TEX9: variants seen among roughly 807,000 people sequenced by gnomAD.
TEX9 encodes testis expressed 9.
A neutral mutation model predicts 59.6 loss-of-function variants in TEX9; 74 were observed. The ratio of observed to expected loss-of-function variants is 1.24; its 90% CI spans 1.03 to 1.51. The LOEUF (loss-of-function observed/expected upper bound fraction) is 1.51. Among genes scored for constraint, TEX9 ranks in the 40% most tolerant of loss-of-function variants. The pLI, the probability that TEX9 is intolerant of heterozygous loss-of-function variation, is 0.00. For missense variants in TEX9, 522 were observed against 447.8 expected, an observed-to-expected ratio of 1.17 and a Z score of -1.49; for synonymous variants, 186 against 152.2, an observed-to-expected ratio of 1.22 and a Z score of -1.64.
chr15:56,296,634 A>G (rs1252020162), intron 1 of TEX9, among the ~76,000 whole-genome samples: 1 of 152,154 alleles, frequency 6.6e-6, no homozygotes, highest in Non-Finnish European at 1.5e-5. Flanking sequence ...TGTCAACTCA[A>G]TTGTCTGTAT....
chr15:56,311,370 AC>A (rs1328086166), intron 1 of TEX9, among the ~76,000 whole-genome samples: 1 of 136,596 alleles, frequency 7.3e-6, no homozygotes, highest in Non-Finnish European at 1.6e-5. Flanking sequence ...TTCAGTCCCC[AC>A]CTATGAGTGA....
chr15:56,394,913 A>G, intron 9 of TEX9, 79 bp downstream of exon 9: 1 of 1,330,542 alleles, frequency 7.5e-7, no homozygotes, highest in Non-Finnish European at 1.0e-6. Context: ...TATAGATGCC[A>G]TTTTGACAGT....
rs150895288 is a variant in TEX9 at position 56,274,126 on chromosome 15, G to A, written c.-107+29848G>A. ...ATTACCATTCTACATAGGGTAGACCGTTTGATATGATACCACAGCTCTTGG... is the reference window on the plus strand; with the variant it reads ...ATTACCATTCTACATAGGGTAGACCATTTGATATGATACCACAGCTCTTGG... On this transcript the variant is annotated intron_variant, in intron 1 of 5. Coordinates refer to the TEX9 transcript ENST00000560827. 7.2e-5 allele frequency among the ~76,000 whole-genome samples: 11 copies of A among 152,058 alleles called. No homozygotes were observed. The East Asian group carries it at 7.7e-4, about 11-fold the overall frequency.
At chr15:56,307,528 A>G (rs1325342168) in intron 1 of TEX9, among the ~76,000 whole-genome samples, 2 of 152,252 alleles carry the variant, frequency 1.3e-5, no homozygotes, top group Non-Finnish European at 2.9e-5. Flanking sequence ...AAACCAACCT[A>G]CATTTATTAA....
intron 3 of TEX9, among the ~76,000 whole-genome samples, chr15:56,380,184 T>C (rs1352446115): frequency 6.6e-6 from 1 of 152,202 alleles, no homozygotes; most frequent in African/African-American, 2.4e-5. Context: ...GGTCATTGTA[T>C]GTTTTTTGGC....
chr15:56,302,797 G>A (rs1308142242), intron 1 of TEX9, among the ~76,000 whole-genome samples: 3 of 151,976 alleles, frequency 2.0e-5, no homozygotes, highest in African/African-American at 7.3e-5. Context: ...CCCAATAATC[G>A]GTTGCCTATT....
intron 10 of TEX9, among the ~76,000 whole-genome samples, chr15:56,423,988 T>C (rs1259276409): frequency 2.6e-5 from 4 of 152,168 alleles, no homozygotes; most frequent in African/African-American, 9.6e-5. Flanking sequence ...CTACTCTTTA[T>C]GTCTCTTAAA....
At chr15:56,268,675 C>A (rs2682060) in intron 1 of TEX9, among the ~76,000 whole-genome samples, 54,526 of 151,410 alleles carry the variant, frequency 0.36, 10,354 homozygotes, top group Non-Finnish European at 0.42. Flanking sequence ...GGGATGAAGC[C>A]AACTTGATCT....
intron 12 of TEX9, among the ~76,000 whole-genome samples, chr15:56,436,704 C>G (rs187470676): frequency 6.6e-6 from 1 of 151,856 alleles, no homozygotes; most frequent in Admixed American, 6.6e-5. Flanking sequence ...ATTGATAGAC[C>G]GCTAGCAAGA....
chr15:56,252,109 C>G (rs1217993299), intron 1 of TEX9, among the ~76,000 whole-genome samples: 2 of 152,146 alleles, frequency 1.3e-5, no homozygotes, highest in African/African-American at 4.8e-5. Context: ...TCCCTACCCA[C>G]TCCCAGCCAG....
intron 1 of TEX9, among the ~76,000 whole-genome samples, chr15:56,246,526 A>G (rs532880655): frequency 6.6e-6 from 1 of 152,294 alleles, no homozygotes; most frequent in East Asian, 1.9e-4. Context: ...AGCCAAACCC[A>G]GGGACCCTGA....
chr15:56,292,871 G>A (rs1382847364), intron 1 of TEX9, among the ~76,000 whole-genome samples: 2 of 152,104 alleles, frequency 1.3e-5, no homozygotes, highest in African/African-American at 2.4e-5. Context: ...GTGGGATCAG[G>A]CTATGGCTAG....
chr15:56,357,150 G>C (rs985300405), intron 1 of TEX9, among the ~76,000 whole-genome samples: 16 of 152,072 alleles, frequency 1.1e-4, no homozygotes, highest in African/African-American at 3.9e-4. Context: ...CCCAGTTTGA[G>C]AATAGAACTA....
intron 1 of TEX9, among the ~76,000 whole-genome samples, chr15:56,349,724 C>T (rs1567094521): frequency 6.6e-6 from 1 of 150,940 alleles, no homozygotes; most frequent in Non-Finnish European, 1.5e-5. Flanking sequence ...TATATAAGCA[C>T]ATATACACAC....
intron 1 of TEX9, among the ~76,000 whole-genome samples, chr15:56,319,804 C>G (rs1290433515): frequency 6.6e-6 from 1 of 152,146 alleles, no homozygotes; most frequent in East Asian, 1.9e-4. Flanking sequence ...TGAATCATAT[C>G]TTTCAGATGG....
intron 9 of TEX9, among the ~76,000 whole-genome samples, chr15:56,403,477 A>C (rs1263720076): frequency 6.6e-6 from 1 of 152,240 alleles, no homozygotes; most frequent in Non-Finnish European, 1.5e-5. Context: ...CAATGAAATA[A>C]AAGAGGACAC....
intron 9 of TEX9, among the ~76,000 whole-genome samples, chr15:56,405,179 C>T (rs2049014362): frequency 6.6e-6 from 1 of 151,998 alleles, no homozygotes; most frequent in South Asian, 2.1e-4. Flanking sequence ...TGGTGGGCGC[C>T]TGTAGTCTCA....
chr15:56,303,846 T>C (rs1211553503), intron 1 of TEX9, among the ~76,000 whole-genome samples: 11 of 152,102 alleles, frequency 7.2e-5, no homozygotes, highest in Admixed American at 7.2e-4. Flanking sequence ...ATTCAAAGGA[T>C]CATTAAAGAC....
At chr15:56,319,496 C>A (rs992660620) in intron 1 of TEX9, among the ~76,000 whole-genome samples, 1 of 151,998 alleles carries the variant, frequency 6.6e-6, no homozygotes, top group Non-Finnish European at 1.5e-5. Flanking sequence ...ACACATTATT[C>A]TTCTTTCCAT....
Sources: allele counts gnomAD v4.1 joint callset (sites outside exome capture counted in the v4.1 genomes callset), GRCh38; gene constraint gnomAD v4.1.1; transcripts MANE v1.5; gene names NCBI Gene and HGNC (gene_info 2026-07-23, HGNC 2026-07-21).